The following ITFG1 variants were observed in gnomAD, a reference collection of about 807,000 sequenced individuals.
ITFG1 encodes the protein T-cell immunomodulatory protein.
ITFG1 carries 34 observed loss-of-function variants against 81.8 expected under a neutral mutation model. The ratio of observed to expected loss-of-function variants is 0.42; its 90% CI spans 0.32 to 0.55. The LOEUF is 0.55. Among genes scored for constraint, ITFG1 ranks in the 20% least tolerant of loss-of-function variants. The probability of loss-of-function intolerance (pLI) is 0.17; values close to 1 mark genes in which losing one functional copy is unlikely to be tolerated. For missense variants in ITFG1, 672 were observed against 755.4 expected (o/e 0.89, Z 1.29); for synonymous variants, 285 against 270.6 (o/e 1.05, Z -0.52).
chr16:47,429,800 C>T (rs1370625764), intron 5 of ITFG1, among the ~76,000 whole-genome samples: 1 of 152,128 alleles, frequency 6.6e-6, no homozygotes, highest in East Asian at 1.9e-4. Flanking sequence ...TTACTGCTAT[C>T]CATCCATCGA....
At chr16:47,364,694 A>G (rs1020680151) in intron 8 of ITFG1, among the ~76,000 whole-genome samples, 1 of 152,230 alleles carries the variant, frequency 6.6e-6, no homozygotes, top group Non-Finnish European at 1.5e-5. Context: ...ATACAGGACA[A>G]CATAGAGATT....
intron 10 of ITFG1, among the ~76,000 whole-genome samples, chr16:47,270,004 C>G (rs1014501658): frequency 6.6e-6 from 1 of 151,986 alleles, no homozygotes; most frequent in Non-Finnish European, 1.5e-5. Flanking sequence ...CATCATGGAT[C>G]AAAGGCAATT....
chr16:47,207,554 T>A lies in ITFG1; in HGVS notation c.1453+11314A>T, dbSNP rs1324085128. On this transcript the variant is annotated intron_variant, in intron 14 of 17. Coordinates refer to ENST00000320640, the MANE Select transcript of ITFG1 (RefSeq NM_030790.5). ...GTGAGCTGACAGCTGAACAAAGACA[T>A]GAAGCAGGTAAGCCATGAGGATATC... Among the ~76,000 whole-genome samples the A allele has an allele frequency of 3.3e-5, 5 of 152,006 alleles. No individual in the cohort carries two copies. In the East Asian group the frequency reaches 9.6e-4, roughly 29 times the overall value.
intron 13 of ITFG1, among the ~76,000 whole-genome samples, chr16:47,230,372 A>G (rs1001357713): frequency 2.0e-5 from 3 of 152,214 alleles, no homozygotes; most frequent in Non-Finnish European, 4.4e-5. Flanking sequence ...AGGCTAGACG[A>G]TAACAGTGGG....
chr16:47,200,102 C>T (rs1456541450), intron 14 of ITFG1, among the ~76,000 whole-genome samples: 1 of 152,130 alleles, frequency 6.6e-6, no homozygotes, highest in African/African-American at 2.4e-5. Flanking sequence ...GCCAGGGACC[C>T]ATACGGTCCA....
At chr16:47,314,884 G>A (rs763083487) in intron 8 of ITFG1, among the ~76,000 whole-genome samples, 1 of 151,986 alleles carries the variant, frequency 6.6e-6, no homozygotes, top group Non-Finnish European at 1.5e-5. Flanking sequence ...TATATTTAGT[G>A]AAGCATACTT....
intron 8 of ITFG1, among the ~76,000 whole-genome samples, chr16:47,355,245 A>T (rs1458611702): frequency 1.3e-5 from 2 of 152,176 alleles, no homozygotes; most frequent in Non-Finnish European, 2.9e-5. Context: ...TTACGACAAC[A>T]TGGATGAACC....
intron 5 of ITFG1, among the ~76,000 whole-genome samples, chr16:47,438,904 T>C (rs560036702): frequency 7.2e-5 from 11 of 151,972 alleles, no homozygotes; most frequent in East Asian, 3.9e-4. Flanking sequence ...ATGAGGAAGT[T>C]TGAACCAATG....
At chr16:47,451,816 A>G (rs1360848913) in intron 4 of ITFG1, among the ~76,000 whole-genome samples, 1 of 152,212 alleles carries the variant, frequency 6.6e-6, no homozygotes, top group Admixed American at 6.5e-5. Context: ...CTGGACATAT[A>G]GTAAGAGCAA....
intron 14 of ITFG1, among the ~76,000 whole-genome samples, chr16:47,181,551 TG>T (rs369861987): frequency 0.13 from 12,199 of 90,438 alleles, 1,712 homozygotes; most frequent in African/African-American, 0.35. Flanking sequence ...GGCAGGGAGG[TG>T]GGGGGGGGTC....
At chr16:47,160,700 T>C (rs1964790169) in intron 16 of ITFG1, among the ~76,000 whole-genome samples, 1 of 152,214 alleles carries the variant, frequency 6.6e-6, no homozygotes. Flanking sequence ...CCCATTAATT[T>C]ACCATAAAAT....
At chr16:47,327,274 A>G (rs1389504828) in intron 8 of ITFG1, among the ~76,000 whole-genome samples, 21 of 151,164 alleles carry the variant, frequency 1.4e-4, no homozygotes, top group Admixed American at 1.2e-3. Context: ...CTAGCCATAT[A>G]TAGAAAGCTG....
intron 10 of ITFG1, among the ~76,000 whole-genome samples, chr16:47,285,972 C>T (rs1164929431): frequency 1.3e-5 from 2 of 152,158 alleles, no homozygotes; most frequent in Non-Finnish European, 2.9e-5. Context: ...AGTGTAAGTA[C>T]CACTTTCTCC....
In ITFG1 at chr16:47,460,849, A is replaced by C. The variant is rs1172341565; in HGVS notation, c.197T>G (p.Val66Gly). The change falls in exon 1 of 18, where the codon GTG becomes GGG. Residue 66 changes from valine to glycine, a missense_variant. Physicochemically the swap from Val to Gly is moderately radical, Grantham distance 109. Around this residue, in one of 3 missense-constraint regions of ITFG1, gnomAD observed 560 missense variants for 625.7 expected, o/e 0.90. Transcript: ENST00000320640. ...CGGCAAGCACTGACTTTCCCGCAGC[A>C]CGAAGAGATCCGTCTGCTTGTCGGA... ...LNSDKQTDLF[V>G]LRERNDLIVF... 1.9e-6 allele frequency: 3 copies of C among 1,613,396 alleles called. No homozygotes were observed. Among genetic ancestry groups the C allele is most frequent in the Non-Finnish European group, 2.5e-6 (3 of 1,179,956 alleles).
chr16:47,418,509 CTTCTAGTAA>C, intron 6 of ITFG1, among the ~76,000 whole-genome samples: 1 of 152,090 alleles, frequency 6.6e-6, no homozygotes, highest in Middle Eastern at 3.4e-3. Context: ...CTTATGTTTT[CTTCTAGTAA>C]TTTTATAGTT....
chr16:47,426,009 C>G (rs1273532738), intron 6 of ITFG1: 2 of 152,070 alleles, frequency 1.3e-5, no homozygotes, highest in African/African-American at 2.4e-5. Flanking sequence ...GTAACATTTA[C>G]TGGTAACATT....
chr16:47,251,878 G>C (rs950836249), intron 12 of ITFG1, among the ~76,000 whole-genome samples: 1 of 152,140 alleles, frequency 6.6e-6, no homozygotes, highest in African/African-American at 2.4e-5. Context: ...TTCTTGTACT[G>C]TACTCACATC....
At chr16:47,341,400 G>GA (rs545419792) in intron 8 of ITFG1, among the ~76,000 whole-genome samples, 277 of 63,882 alleles carry the variant, frequency 4.3e-3, no homozygotes, top group East Asian at 9.3e-3. Context: ...CTGCGCCACT[G>GA]AAAAAAAAAA....
intron 14 of ITFG1, among the ~76,000 whole-genome samples, chr16:47,206,069 T>C (rs754712349): frequency 2.0e-5 from 3 of 152,088 alleles, no homozygotes; most frequent in Non-Finnish European, 4.4e-5. Flanking sequence ...TTTCACCACG[T>C]TGGTCTGGCT....
Sources: allele counts gnomAD v4.1 joint callset (sites outside exome capture counted in the v4.1 genomes callset), GRCh38; gene constraint gnomAD v4.1.1; regional missense constraint gnomAD v4.1.1; transcripts MANE v1.5; gene names NCBI Gene and HGNC (gene_info 2026-07-23, HGNC 2026-07-21).